Variants in TTC29 observed in about 807,000 individuals in gnomAD.
TTC29 encodes the protein tetratricopeptide repeat domain 29.
Under a neutral mutation model 58.1 loss-of-function variants are expected in TTC29, and 49 were observed. That is an observed-to-expected ratio of 0.84 (90% CI 0.67 to 1.07). The LOEUF is 1.07. Among genes scored for constraint, TTC29 ranks in the 50% least tolerant of loss-of-function variants. The pLI, the probability that TTC29 is intolerant of heterozygous loss-of-function variation, is 0.00. For synonymous variants in TTC29, 209 were observed against 196.8 expected (o/e 1.06, Z -0.52); for missense variants, 582 against 555.6 (o/e 1.05, Z -0.48).
At chr4:146,834,506 C>A (rs1285279183) in intron 8 of TTC29, among the ~76,000 whole-genome samples, 1 of 152,002 alleles carries the variant, frequency 6.6e-6, no homozygotes, top group Non-Finnish European at 1.5e-5. Flanking sequence ...ACACTGACAT[C>A]ATCTGTATGG....
At chr4:146,853,908 A>C (rs1416514322) in intron 8 of TTC29, among the ~76,000 whole-genome samples, 4 of 152,082 alleles carry the variant, frequency 2.6e-5, no homozygotes. Flanking sequence ...TCAGGCCAGC[A>C]CCTGGGATCT....
chr4:146,845,642 T>G (rs896399924), intron 8 of TTC29, among the ~76,000 whole-genome samples: 1 of 152,298 alleles, frequency 6.6e-6, no homozygotes, highest in Non-Finnish European at 1.5e-5. Context: ...TGTCAATATC[T>G]ACAACTAGAT....
chr4:146,707,359 G>A (rs1442297894), intron 12 of TTC29, 126 bp downstream of exon 12: 17 of 779,680 alleles, frequency 2.2e-5, no homozygotes, highest in African/African-American at 5.3e-5. Flanking sequence ...TTAAAGCAGT[G>A]TTTCACTATT....
At chr4:146,922,052 A>C (rs1043477385) in intron 4 of TTC29, among the ~76,000 whole-genome samples, 1 of 150,068 alleles carries the variant, frequency 6.7e-6, no homozygotes, top group Non-Finnish European at 1.5e-5. Flanking sequence ...AACACCAAAA[A>C]CTACTCACTG....
intron 11 of TTC29, among the ~76,000 whole-genome samples, chr4:146,714,756 A>T (rs980810062): frequency 6.6e-6 from 1 of 152,210 alleles, no homozygotes; most frequent in African/African-American, 2.4e-5. Flanking sequence ...AAGAAAAATG[A>T]TACCACATGG....
At chr4:146,716,233 T>G (rs1358580535) in intron 11 of TTC29, among the ~76,000 whole-genome samples, 4 of 152,166 alleles carry the variant, frequency 2.6e-5, no homozygotes, top group Admixed American at 2.6e-4. Flanking sequence ...CTCAGAAAGT[T>G]TAATTTTGTT....
chr4:146,708,332 A>ACATG (rs1331193697), intron 11 of TTC29, among the ~76,000 whole-genome samples: 2 of 68,232 alleles, frequency 2.9e-5, no homozygotes, highest in African/African-American at 9.2e-5. Context: ...ATATATATAT[A>ACATG]TATATATATA....
At chr4:146,902,220 C>G (rs1003485157) in intron 6 of TTC29, among the ~76,000 whole-genome samples, 1 of 152,108 alleles carries the variant, frequency 6.6e-6, no homozygotes, top group Non-Finnish European at 1.5e-5. Context: ...ACACTCCTTT[C>G]CTTGCCCTCC....
At chr4:146,906,001 C>T (rs1372937246) in intron 5 of TTC29, among the ~76,000 whole-genome samples, 1 of 151,982 alleles carries the variant, frequency 6.6e-6, no homozygotes, top group African/African-American at 2.4e-5. Context: ...GCTGCTCAAC[C>T]CTTAATAAAT....
intron 11 of TTC29, among the ~76,000 whole-genome samples, chr4:146,780,861 A>G (rs1748541978): frequency 6.6e-6 from 1 of 152,062 alleles, no homozygotes. Flanking sequence ...GTCTCACTAT[A>G]GATAGCTTCT....
At chr4:146,815,551 G>A (rs1047858071) in intron 10 of TTC29, among the ~76,000 whole-genome samples, 3 of 152,148 alleles carry the variant, frequency 2.0e-5, no homozygotes, top group African/African-American at 7.2e-5. Flanking sequence ...GGAAGTCACT[G>A]GCATATGGAT....
At chr4:146,798,999 T>C in intron 11 of TTC29, among the ~76,000 whole-genome samples, 1 of 152,016 alleles carries the variant, frequency 6.6e-6, no homozygotes, top group Non-Finnish European at 1.5e-5. Flanking sequence ...GACATATATT[T>C]TGAACCTCAG....
intron 4 of TTC29, among the ~76,000 whole-genome samples, chr4:146,935,026 A>G (rs1160512596): frequency 6.6e-6 from 1 of 152,140 alleles, no homozygotes; most frequent in African/African-American, 2.4e-5. Flanking sequence ...AGATGTCAAG[A>G]AAAAAGTTTG....
intron 11 of TTC29, among the ~76,000 whole-genome samples, chr4:146,776,029 A>G (rs931744475): frequency 1.3e-5 from 2 of 152,152 alleles, no homozygotes; most frequent in Non-Finnish European, 2.9e-5. Context: ...GTTATTTTGA[A>G]GAACCAGTCT....
chr4:146,791,729 G>A (rs1749466911), intron 11 of TTC29, among the ~76,000 whole-genome samples: 2 of 152,214 alleles, frequency 1.3e-5, no homozygotes, highest in African/African-American at 4.8e-5. Context: ...TAGGCCTCTT[G>A]TGCCAAACAG....
chr4:146,828,924 T>C (rs10519824), intron 9 of TTC29, among the ~76,000 whole-genome samples: 56,851 of 152,050 alleles, frequency 0.37, 11,551 homozygotes, highest in African/African-American at 0.51. Flanking sequence ...TAAAAGTTAG[T>C]GACAGATTTA....
chr4:146,874,182 CTGGGT>C (rs1434137096), intron 7 of TTC29, among the ~76,000 whole-genome samples: 1 of 152,100 alleles, frequency 6.6e-6, no homozygotes, highest in Non-Finnish European at 1.5e-5. Context: ...TGCAGTAGGT[CTGGGT>C]TGGGACCTGA....
chr4:146,900,517 G>A (rs1733070077), intron 6 of TTC29, among the ~76,000 whole-genome samples: 2 of 152,214 alleles, frequency 1.3e-5, no homozygotes, highest in Middle Eastern at 3.4e-3. Flanking sequence ...CAGTTGCTGC[G>A]TGGCTGCCAC....
intron 11 of TTC29, among the ~76,000 whole-genome samples, chr4:146,728,867 A>ATGTATATATATACATATATATG (rs1561066898): frequency 8.5e-5 from 4 of 46,860 alleles, no homozygotes; most frequent in African/African-American, 1.8e-4. Context: ...ACACATATAT[A>ATGTATATATATACATATATATG]TGTGTGTGTA....
Sources: gnomAD v4.1 joint callset for allele counts (sites outside exome capture counted in the v4.1 genomes callset) on GRCh38, gnomAD v4.1.1 for gene constraint, MANE v1.5 for transcripts, NCBI Gene and HGNC (gene_info 2026-07-23, HGNC 2026-07-21) for gene names.